ARHGEF3: variants seen among roughly 807,000 people sequenced by gnomAD.
ARHGEF3 encodes the protein 59.8 kDA protein.
In ARHGEF3, 28 loss-of-function variants were observed where a neutral mutation model predicts 63.2. That is an observed-to-expected ratio of 0.44 (90% CI 0.33 to 0.61). The LOEUF is 0.61. ARHGEF3 is among the 20% of genes least tolerant of loss of function. The pLI, the probability that ARHGEF3 is intolerant of heterozygous loss-of-function variation, is 0.03. For synonymous variants in ARHGEF3, 266 were observed against 254.2 expected (o/e 1.05, Z -0.44); for missense variants, 533 against 659.3 (o/e 0.81, Z 2.10).
intron 3 of ARHGEF3, among the ~76,000 whole-genome samples, chr3:56,911,597 A>G (rs957090501): frequency 5.3e-5 from 8 of 152,066 alleles, no homozygotes; most frequent in Admixed American, 1.3e-4. Context: ...AGGCCTTTTT[A>G]GGATCTAGTT....
At chr3:56,914,570 G>A (rs557891526) in intron 3 of ARHGEF3, among the ~76,000 whole-genome samples, 3 of 152,274 alleles carry the variant, frequency 2.0e-5, no homozygotes, top group African/African-American at 7.2e-5. Context: ...TCATGCAATA[G>A]TGTCGTATAT....
At chr3:56,941,607 G>A (rs530671512) in intron 3 of ARHGEF3, among the ~76,000 whole-genome samples, 1 of 152,140 alleles carries the variant, frequency 6.6e-6, no homozygotes, top group Admixed American at 6.5e-5. Flanking sequence ...TGTGGAAGGA[G>A]TTCTTTTTTA....
rs62250260 is a variant in ARHGEF3 at position 57,018,367 on chromosome 3, A to G, written c.62+16721T>C. ...ATAATGTCACATTTTCTGCACATCA[A>G]CTAAGGCACTGGGCTAAGGAAGGGT... On this transcript the variant is annotated intron_variant, in intron 2 of 12. Coordinates refer to the ARHGEF3 transcript ENST00000338458. Among the ~76,000 whole-genome samples, 247 of 152,278 alleles carry G rather than the reference A, an allele frequency of 1.6e-3. 1 individual carries two copies. Among genetic ancestry groups the G allele is most frequent in the Non-Finnish European group, 3.1e-3 (208 of 68,026 alleles).
At chr3:56,948,460 C>G (rs1271027787) in intron 3 of ARHGEF3, among the ~76,000 whole-genome samples, 6 of 152,068 alleles carry the variant, frequency 3.9e-5, no homozygotes, top group Admixed American at 6.5e-5. Context: ...ACCACCGATC[C>G]CACAGAAATA....
At chr3:56,732,541 C>A (rs1454333508) in intron 8 of ARHGEF3, 117 bp from the exon 9 acceptor site, 18 of 1,205,900 alleles carry the variant, frequency 1.5e-5, no homozygotes, top group Admixed American at 4.1e-5. Flanking sequence ...ATTATGAACT[C>A]CTAGGTTCAA....
intron 2 of ARHGEF3, among the ~76,000 whole-genome samples, chr3:57,002,575 A>C: frequency 7.3e-6 from 1 of 137,384 alleles, no homozygotes; most frequent in Non-Finnish European, 1.5e-5. Context: ...TATGTATGTT[A>C]TATGTGTTAT....
At chr3:56,822,539 G>A (rs765449495) in intron 4 of ARHGEF3, among the ~76,000 whole-genome samples, 13 of 152,178 alleles carry the variant, frequency 8.5e-5, no homozygotes, top group Admixed American at 5.9e-4. Context: ...ATGTGGAAAA[G>A]CTTGGCAGGG....
intron 2 of ARHGEF3, among the ~76,000 whole-genome samples, chr3:56,993,292 G>A (rs956488535): frequency 1.3e-5 from 2 of 152,158 alleles, no homozygotes; most frequent in South Asian, 2.1e-4. Context: ...CTGGCATAAA[G>A]GACATTAGCA....
chr3:56,979,633 G>T (rs13074893), intron 2 of ARHGEF3, among the ~76,000 whole-genome samples: 1 of 152,186 alleles, frequency 6.6e-6, no homozygotes, highest in Non-Finnish European at 1.5e-5. Flanking sequence ...CACGACTGCA[G>T]GTGGTGCTTA....
intron 2 of ARHGEF3, among the ~76,000 whole-genome samples, chr3:57,027,141 G>C (rs1579118830): frequency 6.6e-6 from 1 of 152,184 alleles, no homozygotes; most frequent in African/African-American, 2.4e-5. Context: ...CCCAGTGACA[G>C]AGCTAAGCAT....
intron 4 of ARHGEF3, among the ~76,000 whole-genome samples, chr3:56,855,575 C>T (rs562657109): frequency 4.0e-5 from 6 of 151,450 alleles, no homozygotes; most frequent in East Asian, 2.0e-4. Context: ...CCCAGCTATT[C>T]GGGAGGCTGA....
At chr3:56,973,616 A>G (rs1701013124) in intron 2 of ARHGEF3, among the ~76,000 whole-genome samples, 1 of 152,152 alleles carries the variant, frequency 6.6e-6, no homozygotes, top group Non-Finnish European at 1.5e-5. Flanking sequence ...AGGAAAACCA[A>G]GAGAGGGACA....
upstream of ARHGEF3, among the ~76,000 whole-genome samples, chr3:56,804,535 G>A (rs938392735): frequency 2.0e-5 from 3 of 152,150 alleles, no homozygotes; most frequent in Admixed American, 6.5e-5. Flanking sequence ...AAAGAATTGG[G>A]CCCTGTGTAA....
intron 2 of ARHGEF3, among the ~76,000 whole-genome samples, chr3:56,965,404 A>G (rs890491747): frequency 6.6e-6 from 1 of 152,326 alleles, no homozygotes; most frequent in East Asian, 1.9e-4. Context: ...TAGCCTTATA[A>G]TTAATAAAGA....
intron 2 of ARHGEF3, among the ~76,000 whole-genome samples, chr3:56,771,620 C>T (rs577743201): frequency 6.6e-6 from 1 of 152,306 alleles, no homozygotes; most frequent in South Asian, 2.1e-4. Context: ...GAACACAGCA[C>T]TGCAGCAAAC....
intron 1 of ARHGEF3, among the ~76,000 whole-genome samples, chr3:57,078,168 A>C (rs1236684207): frequency 2.6e-5 from 4 of 152,226 alleles, no homozygotes; most frequent in Admixed American, 2.6e-4. Flanking sequence ...AAACTGAGGC[A>C]TAGGTAAGCG....
chr3:56,788,560 C>G (rs1559940301), intron 1 of ARHGEF3, among the ~76,000 whole-genome samples: 1 of 152,186 alleles, frequency 6.6e-6, no homozygotes, highest in Non-Finnish European at 1.5e-5. Flanking sequence ...AACAAAGGAT[C>G]TATTTATAGT....
At chr3:57,003,460 G>A (rs963938048) in intron 2 of ARHGEF3, among the ~76,000 whole-genome samples, 2 of 140,902 alleles carry the variant, frequency 1.4e-5, no homozygotes, top group African/African-American at 5.3e-5. Flanking sequence ...CCAAGCTCAT[G>A]AGTGACTGAG....
At chr3:56,977,727 T>C (rs956217556) in intron 2 of ARHGEF3, among the ~76,000 whole-genome samples, 1 of 152,144 alleles carries the variant, frequency 6.6e-6, no homozygotes, top group Non-Finnish European at 1.5e-5. Context: ...GGAATTGAGT[T>C]CCAGCTGGCT....
Sources: allele counts gnomAD v4.1 joint callset (sites outside exome capture counted in the v4.1 genomes callset), GRCh38; gene constraint gnomAD v4.1.1; transcripts MANE v1.5; gene names NCBI Gene and HGNC (gene_info 2026-07-23, HGNC 2026-07-21).